NPAS3: variants seen among roughly 807,000 people sequenced by gnomAD.
The protein encoded by NPAS3 is neuronal PAS domain-containing protein 3.
Under a neutral mutation model 73.1 loss-of-function variants are expected in NPAS3, and 14 were observed. That is an observed-to-expected ratio of 0.19 (90% CI 0.13 to 0.30). The LOEUF (loss-of-function observed/expected upper bound fraction) is 0.30. Ranked by LOEUF, NPAS3 falls within the 10% of genes least tolerant of loss-of-function variation. The probability of loss-of-function intolerance (pLI) is 1.00; values close to 1 mark genes in which losing one functional copy is unlikely to be tolerated. For missense variants in NPAS3, 1,096 were observed against 1,250.0 expected (o/e 0.88, Z 1.86); for synonymous variants, 620 against 541.5 (o/e 1.14, Z -2.01).
chr14:32,972,105 A>G (rs1211916454), intron 1 of NPAS3, among the ~76,000 whole-genome samples: 1 of 151,684 alleles, frequency 6.6e-6, no homozygotes, highest in Non-Finnish European at 1.5e-5. Context: ...CGCCTGGCTA[A>G]TTCTTTGTAT....
chr14:32,983,046 T>C (rs991394990), intron 1 of NPAS3, among the ~76,000 whole-genome samples: 2 of 152,186 alleles, frequency 1.3e-5, no homozygotes, highest in African/African-American at 4.8e-5. Flanking sequence ...TTGTTAGGTA[T>C]AATTAGAGAA....
At chr14:33,594,869 G>A (rs2057188333) in intron 5 of NPAS3, among the ~76,000 whole-genome samples, 1 of 152,136 alleles carries the variant, frequency 6.6e-6, no homozygotes, top group Admixed American at 6.5e-5. Flanking sequence ...CATTCCCCAT[G>A]TAAAATGTAG....
intron 2 of NPAS3, among the ~76,000 whole-genome samples, chr14:33,150,644 C>G (rs2044411973): frequency 6.6e-6 from 1 of 150,528 alleles, no homozygotes; most frequent in Non-Finnish European, 1.5e-5. Context: ...TGGTTGTTCT[C>G]TTGTTCTTTA....
chr14:33,580,030 C>T (rs1214725163), intron 5 of NPAS3, among the ~76,000 whole-genome samples: 1 of 152,158 alleles, frequency 6.6e-6, no homozygotes, highest in Non-Finnish European at 1.5e-5. Flanking sequence ...TATGAACATA[C>T]CTTTGTTACT....
chr14:33,608,674 C>G (rs144058642), intron 5 of NPAS3: 1 of 152,144 alleles, frequency 6.6e-6, no homozygotes, highest in Non-Finnish European at 1.5e-5. Context: ...TAGGGCTACA[C>G]GTGCAGGTTT....
upstream of NPAS3, among the ~76,000 whole-genome samples, chr14:32,938,984 A>G (rs1245352828): frequency 6.9e-6 from 1 of 144,974 alleles, no homozygotes; most frequent in African/African-American, 2.5e-5. Context: ...GAGCAGCGGG[A>G]GGAGAAGGCG....
chr14:33,546,804 A>G (rs763041015), intron 4 of NPAS3, among the ~76,000 whole-genome samples: 3 of 152,230 alleles, frequency 2.0e-5, no homozygotes, highest in African/African-American at 4.8e-5. Context: ...TGCATTATAC[A>G]GTATTGAGAT....
intron 2 of NPAS3, among the ~76,000 whole-genome samples, chr14:33,207,692 G>T (rs988941798): frequency 3.9e-5 from 6 of 152,162 alleles, no homozygotes; most frequent in African/African-American, 1.4e-4. Context: ...GAATTTATGA[G>T]AAATGGAATT....
chr14:33,719,652 G>T (rs1411881936), intron 6 of NPAS3, among the ~76,000 whole-genome samples: 1 of 152,128 alleles, frequency 6.6e-6, no homozygotes, highest in African/African-American at 2.4e-5. Flanking sequence ...AATGGAAGTT[G>T]AACCAACAAA....
intron 5 of NPAS3, among the ~76,000 whole-genome samples, chr14:33,650,468 G>C (rs1257158368): frequency 6.6e-6 from 1 of 152,140 alleles, no homozygotes. Context: ...AAATAATTAA[G>C]CATGATAATT....
chr14:33,016,181 G>T (rs1015189801), intron 1 of NPAS3, among the ~76,000 whole-genome samples: 6 of 152,122 alleles, frequency 3.9e-5, no homozygotes, highest in Admixed American at 2.6e-4. Flanking sequence ...GGGAGAATTT[G>T]TTGGTCAAGT....
At chr14:33,051,225 G>C (rs1053608985) in intron 1 of NPAS3, among the ~76,000 whole-genome samples, 1 of 143,604 alleles carries the variant, frequency 7.0e-6, no homozygotes, top group East Asian at 2.2e-4. Flanking sequence ...AGTGAGCCGA[G>C]ATTGCGCCAT....
chr14:33,314,403 A>AT (rs1396578567), intron 3 of NPAS3, among the ~76,000 whole-genome samples: 1 of 152,034 alleles, frequency 6.6e-6, no homozygotes. Flanking sequence ...TAGCTAAAGT[A>AT]TTTGACCTTC....
intron 3 of NPAS3, among the ~76,000 whole-genome samples, chr14:33,328,964 AT>A (rs1158987445): frequency 6.6e-6 from 1 of 152,082 alleles, no homozygotes; most frequent in African/African-American, 2.4e-5. Context: ...AACTCAAGAT[AT>A]TTTTAGTAGC....
intron 3 of NPAS3, among the ~76,000 whole-genome samples, chr14:33,331,336 T>A (rs1319219937): frequency 6.6e-6 from 1 of 152,212 alleles, no homozygotes; most frequent in Non-Finnish European, 1.5e-5. Flanking sequence ...TTTAAATCAT[T>A]TTGGAAAGAA....
chr14:33,085,523 T>C (rs1042556742), intron 2 of NPAS3, among the ~76,000 whole-genome samples: 1 of 152,196 alleles, frequency 6.6e-6, no homozygotes, highest in African/African-American at 2.4e-5. Flanking sequence ...TTCTCTCTTC[T>C]CGTAGAATGA....
intron 3 of NPAS3, among the ~76,000 whole-genome samples, chr14:33,244,508 T>G (rs115776220): frequency 0.012 from 1,461 of 122,750 alleles, 33 homozygotes; most frequent in African/African-American, 0.044. Context: ...GGATGTAATG[T>G]AAGTTAAAAA....
chr14:33,733,542 T>C (rs1305553626), intron 6 of NPAS3, among the ~76,000 whole-genome samples: 1 of 152,150 alleles, frequency 6.6e-6, no homozygotes, highest in Admixed American at 6.5e-5. Context: ...ATAAGGTTGA[T>C]GTGATTGGAT....
At chr14:33,393,589 C>A (rs2047098732) in intron 4 of NPAS3, among the ~76,000 whole-genome samples, 1 of 152,146 alleles carries the variant, frequency 6.6e-6, no homozygotes, top group Non-Finnish European at 1.5e-5. Flanking sequence ...TTTAATTACT[C>A]ATGTAACAAA....
Sources: gnomAD v4.1 joint callset for allele counts (sites outside exome capture counted in the v4.1 genomes callset) on GRCh38, gnomAD v4.1.1 for gene constraint, MANE v1.5 for transcripts, NCBI Gene and HGNC (gene_info 2026-07-23, HGNC 2026-07-21) for gene names.